The following RFLNA variants were observed in gnomAD, a reference collection of about 807,000 sequenced individuals.
The protein encoded by RFLNA is refilin-A.
Under a neutral mutation model 7.8 loss-of-function variants are expected in RFLNA, and 5 were observed. The observed-to-expected ratio is 0.64, with a 90% CI of 0.34 to 1.35. RFLNA has a LOEUF of 1.35. Ranked by LOEUF, RFLNA falls within the 40% of genes most tolerant of loss-of-function variation. The pLI, the probability that RFLNA is intolerant of heterozygous loss-of-function variation, is 0.04. For missense variants in RFLNA, 278 were observed against 305.5 expected, an observed-to-expected ratio of 0.91 and a Z score of 0.67; for synonymous variants, 141 against 131.3, an observed-to-expected ratio of 1.07 and a Z score of -0.50.
rs2034304957 is a variant in RFLNA at position 124,314,181 on chromosome 12, G to T, written c.318-11G>T. On this transcript the variant is annotated splice_polypyrimidine_tract_variant and intron_variant, in intron 2 of 2. Transcript: ENST00000546355. The stretch of plus-strand genomic sequence containing the variant: ...CCTGGGTTCACTCCGCTTCCCTCCT[G>T]CCCTTTCCAGCTGCAACTCTGAGGT... The T allele has an allele frequency of 6.2e-7, 1 of 1,606,500 alleles. No individual in the cohort carries two copies. Among genetic ancestry groups the T allele is most frequent in the South Asian group, 1.1e-5 (1 of 90,408 alleles).
intron 1 of RFLNA, among the ~76,000 whole-genome samples, chr12:124,305,475 G>A (rs1408170797): frequency 3.9e-5 from 6 of 152,206 alleles, no homozygotes; most frequent in Admixed American, 1.3e-4. Context: ...GGCTTCAAAC[G>A]GCACGAATTT....
chr12:124,303,825 G>A (rs984201550), intron 1 of RFLNA, among the ~76,000 whole-genome samples: 3 of 152,196 alleles, frequency 2.0e-5, no homozygotes, highest in Non-Finnish European at 2.9e-5. Flanking sequence ...GTGGGAGGGC[G>A]CTGCAGCCTC....
At chr12:124,292,715 C>T (rs2033842013), upstream of RFLNA, among the ~76,000 whole-genome samples, 1 of 152,134 alleles carries the variant, frequency 6.6e-6, no homozygotes, top group Non-Finnish European at 1.5e-5. Flanking sequence ...GGGGAAACTT[C>T]CAGAACCCAG....
At chr12:124,290,176 T>C (rs1010266386), upstream of RFLNA, among the ~76,000 whole-genome samples, 1 of 152,224 alleles carries the variant, frequency 6.6e-6, no homozygotes, top group African/African-American at 2.4e-5. This position sits in a 1 kb window ranked among gnomAD's most constrained non-coding sequence, Gnocchi z 4.0. Context: ...ACCGCAGTTC[T>C]CTCGTCTTTT....
intron 1 of RFLNA, among the ~76,000 whole-genome samples, chr12:124,297,176 T>A (rs1198402509): frequency 6.6e-6 from 1 of 152,188 alleles, no homozygotes; most frequent in African/African-American, 2.4e-5. Flanking sequence ...GTTCCTTCCA[T>A]GACCCAGAAG....
At chr12:124,302,433 T>A (rs1303696161) in intron 1 of RFLNA, among the ~76,000 whole-genome samples, 1 of 152,126 alleles carries the variant, frequency 6.6e-6, no homozygotes, top group East Asian at 1.9e-4. Flanking sequence ...TGGCTCTCCA[T>A]ATGGCCTGAC....
Position 124,289,532 on chromosome 12 carries a change from C to T in RFLNA, c.-37+162C>T, listed in dbSNP as rs897107624. Among the ~76,000 whole-genome samples the T allele has an allele frequency of 1.3e-5, 2 of 152,210 alleles. No individual in the cohort carries two copies. Among genetic ancestry groups the T allele is most frequent in the Admixed American group, 1.3e-4 (2 of 15,288 alleles). On this transcript the variant is annotated intron_variant, in intron 1 of 2. Transcript: ENST00000324038. The surrounding 1 kb of genome is among the most constrained non-coding windows in gnomAD (Gnocchi z 5.0). The stretch of plus-strand genomic sequence containing the variant: ...CACGCACATACAAATGGCAGCAGAA[C>T]GTATGCCCAGGTCAAAGGCACTTTG...
intron 1 of RFLNA, among the ~76,000 whole-genome samples, chr12:124,297,901 G>A (rs549900131): frequency 4.9e-5 from 7 of 143,452 alleles, no homozygotes; most frequent in South Asian, 2.5e-4. Context: ...GTGTTTAACC[G>A]CACCCTGCTC....
chr12:124,294,670 G>A (rs2033873351), upstream of RFLNA, among the ~76,000 whole-genome samples: 1 of 152,204 alleles, frequency 6.6e-6, no homozygotes, highest in Non-Finnish European at 1.5e-5. Flanking sequence ...CTGGGTGTGC[G>A]GGTAACCGAG....
chr12:124,312,662 C>T (rs964796796), intron 2 of RFLNA, among the ~76,000 whole-genome samples: 7 of 152,120 alleles, frequency 4.6e-5, no homozygotes, highest in Admixed American at 1.3e-4. Flanking sequence ...AACTCAGGAC[C>T]GCCTTCCACT....
chr12:124,303,375 C>G (rs1171054619), intron 1 of RFLNA, among the ~76,000 whole-genome samples: 1 of 152,194 alleles, frequency 6.6e-6, no homozygotes, highest in African/African-American at 2.4e-5. Context: ...GCCTGGTGGG[C>G]CCTTGGCGAG....
upstream of RFLNA, among the ~76,000 whole-genome samples, chr12:124,291,537 A>T (rs1194221653): frequency 2.0e-5 from 3 of 152,162 alleles, no homozygotes; most frequent in African/African-American, 7.2e-5. Flanking sequence ...GATTACAGGC[A>T]TGAGCCACCG....
At chr12:124,309,634 T>G (rs77327600) in intron 1 of RFLNA, among the ~76,000 whole-genome samples, 2,038 of 152,294 alleles carry the variant, frequency 0.013, 50 homozygotes, top group African/African-American at 0.047. Flanking sequence ...GCCCTTCACC[T>G]CCCTGAGCCC....
At chr12:124,311,965 T>A in intron 2 of RFLNA, 38 bp downstream of exon 2, 1 of 305,612 alleles carries the variant, frequency 3.3e-6, no homozygotes. Context: ...GAGGAGGGGG[T>A]GGGGGGTTGG....
At chr12:124,296,892 T>C (rs1418541564) in intron 1 of RFLNA, among the ~76,000 whole-genome samples, 3 of 152,226 alleles carry the variant, frequency 2.0e-5, no homozygotes, top group Non-Finnish European at 2.9e-5. Flanking sequence ...GTCACTATCT[T>C]AGACCAAATC....
rs1016105509 is a variant in RFLNA at position 124,314,529 on chromosome 12, G to C, written c.*4G>C. On this transcript the variant is annotated 3_prime_UTR_variant, in exon 3 of 3. Coordinates refer to ENST00000546355, the MANE Select transcript of RFLNA (RefSeq NM_001365156.1). ...CCTGGGCCCTGCCACGCTCTGACGG[G>C]GCTGGGGCCGGCCCGGGGTGCTGGA... The C allele has an allele frequency of 7.7e-6, 12 of 1,566,124 alleles. No individual in the cohort carries two copies. The highest frequency in any genetic ancestry group is 3.4e-5 in the South Asian group (3 of 88,344).
chr12:124,295,376 G>A lies in RFLNA; in HGVS notation c.-54G>A. ...CGCCGCCTGCCCCGGGCCCCGGAGC[G>A]CGGTGGAGAAGCCCCCGGAGGAGCG... On this transcript the variant is annotated 5_prime_UTR_variant, in exon 1 of 3. Transcript: ENST00000546355. 9.2e-7 allele frequency: 1 copy of A among 1,088,652 alleles called. No homozygotes were observed. The highest frequency in any genetic ancestry group is 1.2e-6 in the Non-Finnish European group (1 of 860,510). The allele number at this position is 1,088,652 out of a possible 1,614,324, so 67.4% of individuals were successfully genotyped here. A position where few individuals can be genotyped will look rare whatever the true frequency, so the allele number is the denominator to read the frequency against.
At chr12:124,298,576 G>A (rs2033972112) in intron 1 of RFLNA, among the ~76,000 whole-genome samples, 1 of 152,240 alleles carries the variant, frequency 6.6e-6, no homozygotes, top group African/African-American at 2.4e-5. Flanking sequence ...CCTACTGTGT[G>A]TCACGCTCTG....
chr12:124,305,666 G>A (rs2034125152), intron 1 of RFLNA, among the ~76,000 whole-genome samples: 1 of 152,176 alleles, frequency 6.6e-6, no homozygotes, highest in Admixed American at 6.5e-5. Flanking sequence ...AGCATCTTCT[G>A]GCCGTTCTCT....
Sources: allele counts gnomAD v4.1 joint callset (sites outside exome capture counted in the v4.1 genomes callset), GRCh38; gene constraint gnomAD v4.1.1; non-coding constraint Gnocchi (gnomAD v3.1); transcripts MANE v1.5; gene names NCBI Gene and HGNC (gene_info 2026-07-23, HGNC 2026-07-21).